SULF2: variants seen among roughly 807,000 people sequenced by gnomAD.
The protein encoded by SULF2 is sulfatase 2.
A neutral mutation model predicts 107.7 loss-of-function variants in SULF2; 52 were observed. The observed-to-expected ratio is 0.48, with a 90% CI of 0.39 to 0.61. The LOEUF is 0.61. Ranked by LOEUF, SULF2 falls within the 20% of genes least tolerant of loss-of-function variation. The pLI is 0.00. For synonymous variants in SULF2, 460 were observed against 464.3 expected (o/e 0.99, Z 0.12); for missense variants, 993 against 1,177.3 (o/e 0.84, Z 2.29).
At chr20:47,726,595 C>A (rs910699306) in intron 3 of SULF2, among the ~76,000 whole-genome samples, 1 of 152,328 alleles carries the variant, frequency 6.6e-6, no homozygotes, top group East Asian at 1.9e-4. Flanking sequence ...TGTGCGCCTA[C>A]TGAATACCTG....
At chr20:47,742,279 A>C (rs2089903357) in intron 2 of SULF2, among the ~76,000 whole-genome samples, 1 of 152,258 alleles carries the variant, frequency 6.6e-6, no homozygotes, top group African/African-American at 2.4e-5. Flanking sequence ...GACCTGAACG[A>C]CACGGCCACA....
At chr20:47,750,560 C>G (rs961698789) in intron 2 of SULF2, among the ~76,000 whole-genome samples, 3 of 152,276 alleles carry the variant, frequency 2.0e-5, no homozygotes, top group Middle Eastern at 3.4e-3. Flanking sequence ...TACTGGACAC[C>G]CTGCTCTCAT....
chr20:47,757,551 T>C (rs967039816), intron 1 of SULF2, 88 bp from the exon 2 acceptor site: 1 of 667,268 alleles, frequency 1.5e-6, no homozygotes, highest in Admixed American at 3.0e-5. Context: ...GCGGCTGGCA[T>C]GAACAATGGG....
At chr20:47,670,291 C>G (rs964560569) in intron 11 of SULF2, among the ~76,000 whole-genome samples, 1 of 152,114 alleles carries the variant, frequency 6.6e-6, no homozygotes. Context: ...CTCCCAGGTT[C>G]AAGCCATTCT....
intron 1 of SULF2, among the ~76,000 whole-genome samples, chr20:47,759,562 C>T (rs981282936): frequency 3.3e-5 from 5 of 152,192 alleles, no homozygotes; most frequent in African/African-American, 1.2e-4. Context: ...CATGGTGGCA[C>T]ATGCCTGTAA....
At position 47,678,441 on chromosome 20, in the gene SULF2, G is replaced by T. The variant is rs2087719563; in HGVS notation, c.1193+235C>A. ...TCATTTCAAGCTTTGGGTAATTTTA[G>T]CTCAGAGAAGGTCCCCAACTGGTCA... On this transcript the variant is annotated intron_variant, in intron 8 of 20. Coordinates refer to ENST00000688720, the MANE Select transcript of SULF2 (RefSeq NM_001387048.1). The surrounding 1 kb of genome is among the most constrained non-coding windows in gnomAD (Gnocchi z 4.5). 1.8e-6 allele frequency: 1 copy of T among 545,160 alleles called. No homozygotes were observed. The highest frequency in any genetic ancestry group is 3.0e-5 in the Admixed American group (1 of 33,660). 33.8% of individuals were successfully genotyped at this position (545,160 alleles called of 1,614,324 possible).
chr20:47,746,994 A>AAAATAT (rs1555853890), intron 2 of SULF2, among the ~76,000 whole-genome samples: 26 of 131,880 alleles, frequency 2.0e-4, no homozygotes, highest in Admixed American at 3.0e-4. Context: ...AAAAAAAAAA[A>AAAATAT]ATATATATAT....
At chr20:47,674,622 G>A (rs1413658763) in intron 10 of SULF2, among the ~76,000 whole-genome samples, 2 of 152,160 alleles carry the variant, frequency 1.3e-5, no homozygotes, top group Non-Finnish European at 2.9e-5. Context: ...CCGTGTCACC[G>A]GGAGACAGAC....
In SULF2 at chr20:47,664,008, CGTGGA is replaced by C. The variant is rs2087179536; in HGVS notation, c.2057+117_2057+121del. Reference sequence around the variant, plus strand: ...GAAGTAAGGCCTCTTCGAGGGCTACCGTGGACTTCCCAGGGAAGGGCCTGGACTTC... The same window carrying C: ...GAAGTAAGGCCTCTTCGAGGGCTACCCTTCCCAGGGAAGGGCCTGGACTTC... On this transcript the variant is annotated intron_variant, in intron 15 of 20. Coordinates refer to ENST00000688720, the MANE Select transcript of SULF2 (RefSeq NM_001387048.1). The C allele has an allele frequency of 3.8e-6, 4 of 1,064,990 alleles. No homozygotes were observed. The South Asian group carries it at 5.9e-5, about 16-fold the overall frequency. The allele number at this position is 1,064,990 out of a possible 1,614,324, so 66.0% of individuals were successfully genotyped here.
chr20:47,715,124 G>T (rs1389363010), intron 3 of SULF2, among the ~76,000 whole-genome samples: 11 of 147,986 alleles, frequency 7.4e-5, no homozygotes, highest in African/African-American at 2.7e-4. Flanking sequence ...TAGAGACAGG[G>T]TTTCATTATG....
chr20:47,754,251 C>A (rs1200363901), intron 2 of SULF2, among the ~76,000 whole-genome samples: 1 of 152,172 alleles, frequency 6.6e-6, no homozygotes, highest in Non-Finnish European at 1.5e-5. Context: ...TGGAAAGAAT[C>A]CTGGGATTAT....
intron 1 of SULF2, among the ~76,000 whole-genome samples, chr20:47,772,901 A>ATGTT (rs1555865898): frequency 6.6e-6 from 1 of 151,816 alleles, no homozygotes; most frequent in East Asian, 1.9e-4. Context: ...GGAGAGAGAT[A>ATGTT]TGTTTGCAGT....
At chr20:47,747,800 C>T (rs958901395) in intron 2 of SULF2, among the ~76,000 whole-genome samples, 3 of 151,976 alleles carry the variant, frequency 2.0e-5, no homozygotes, top group Non-Finnish European at 4.4e-5. Flanking sequence ...ATCTGCCCAA[C>T]GGCTCAGCCA....
chr20:47,666,688 G>A lies in SULF2; in HGVS notation c.1577-200C>T, dbSNP rs1016475170. Among the ~76,000 whole-genome samples the A allele has an allele frequency of 2.0e-5, 3 of 152,212 alleles. No homozygotes were observed. Among genetic ancestry groups the A allele is most frequent in the Non-Finnish European group, 4.4e-5 (3 of 68,040 alleles). ...GGGAGGGCCTCGAGGTGATCACACC[G>A]GCAAGACGGAAGTCCTGGAGCCAAG... On this transcript the variant is annotated intron_variant, in intron 11 of 20. Transcript: ENST00000688720. This position sits in a 1 kb window ranked among gnomAD's most constrained non-coding sequence, Gnocchi z 5.4.
chr20:47,722,170 T>G (rs150450257), intron 3 of SULF2, among the ~76,000 whole-genome samples: 1 of 152,376 alleles, frequency 6.6e-6, no homozygotes, highest in Non-Finnish European at 1.5e-5. Flanking sequence ...ATTATGTTTC[T>G]TCATGCTGGA....
chr20:47,765,079 C>T (rs750844938), intron 1 of SULF2, among the ~76,000 whole-genome samples: 5 of 152,066 alleles, frequency 3.3e-5, no homozygotes, highest in Non-Finnish European at 7.3e-5. Context: ...GGGCTGGGCG[C>T]GGCAGCTCAC....
At chr20:47,716,399 G>A (rs1037145034) in intron 3 of SULF2, among the ~76,000 whole-genome samples, 1 of 152,172 alleles carries the variant, frequency 6.6e-6, no homozygotes, top group African/African-American at 2.4e-5. Flanking sequence ...CAGCTACTTG[G>A]GAGGCTGAGG....
chr20:47,678,378 C>A lies in SULF2; in HGVS notation c.1193+298G>T. 2.9e-6 allele frequency: 1 copy of A among 350,256 alleles called. No homozygotes were observed. Among genetic ancestry groups the A allele is most frequent in the Non-Finnish European group, 5.5e-6 (1 of 183,456 alleles). 21.7% of individuals were successfully genotyped at this position (350,256 alleles called of 1,614,324 possible). A position where few individuals can be genotyped will look rare whatever the true frequency, so the allele number is the denominator to read the frequency against. On this transcript the variant is annotated intron_variant, in intron 8 of 20. Coordinates refer to ENST00000688720, the MANE Select transcript of SULF2 (RefSeq NM_001387048.1). The surrounding 1 kb of genome is among the most constrained non-coding windows in gnomAD (Gnocchi z 4.5). Reference sequence around the variant, plus strand: ...AGAATAGGGCCTCACACACAAGCGCCGTGCAGTTAGCACCATCTCCTACCA... The same window carrying A: ...AGAATAGGGCCTCACACACAAGCGCAGTGCAGTTAGCACCATCTCCTACCA...
chr20:47,663,613 C>T lies in SULF2; in HGVS notation c.2067G>A (p.Leu689=). The T allele has an allele frequency of 6.3e-7, 1 of 1,589,438 alleles. No individual in the cohort carries two copies. The highest frequency in any genetic ancestry group is 1.3e-5 in the African/African-American group (1 of 74,618). Residue 689 remains leucine (L), a synonymous_variant, in exon 16 of 21, where the codon CTG becomes CTA. Transcript: ENST00000688720. The stretch of plus-strand genomic sequence containing the variant: ...ACAGCCACACCTTGTCCTTCTCTTG[C>T]AGGCCCTTCCTATGGGCGCAGAGGG... ...GSSLHPFRKG[L]QEKDKVWLLR... is the part of the protein sequence containing the mutation.
Sources: gnomAD v4.1 joint callset for allele counts (sites outside exome capture counted in the v4.1 genomes callset) on GRCh38, gnomAD v4.1.1 for gene constraint, Gnocchi (gnomAD v3.1) non-coding constraint, MANE v1.5 for transcripts, NCBI Gene and HGNC (gene_info 2026-07-23, HGNC 2026-07-21) for gene names.